GPD2: variants seen among roughly 807,000 people sequenced by gnomAD.
GPD2 encodes glycerol-3-phosphate dehydrogenase, mitochondrial.
Under a neutral mutation model 82.4 loss-of-function variants are expected in GPD2, and 54 were observed. The ratio of observed to expected loss-of-function variants is 0.66; its 90% CI spans 0.53 to 0.82. The LOEUF is 0.82. Ranked by LOEUF, GPD2 falls within the 40% of genes least tolerant of loss-of-function variation. The pLI is 0.00. For missense variants in GPD2, 748 were observed against 896.2 expected (o/e 0.83, Z 2.11); for synonymous variants, 288 against 306.1 (o/e 0.94, Z 0.62).
upstream of GPD2, among the ~76,000 whole-genome samples, chr2:156,433,813 A>T (rs1188130070): frequency 6.6e-6 from 1 of 152,182 alleles, no homozygotes; most frequent in South Asian, 2.1e-4. Context: ...ACATTTAAAC[A>T]TCAGTTATAT....
In GPD2 at chr2:156,442,731, C is replaced by T. The variant is rs987003932; in HGVS notation, c.-9+6218C>T. ...GGAGGATCCTTTGAGCCTAGGAGGC[C>T]GAGGCTGCAGTGAGCCATGATTGCA... On this transcript the variant is annotated intron_variant, in intron 1 of 16. Coordinates refer to ENST00000438166, the MANE Select transcript of GPD2 (RefSeq NM_000408.5). Among the ~76,000 whole-genome samples the T allele has an allele frequency of 5.3e-5, 8 of 151,854 alleles. No individual in the cohort carries two copies. In the East Asian group the frequency reaches 5.8e-4, roughly 11 times the overall value.
chr2:156,568,085 A>G (rs368015415), intron 9 of GPD2, among the ~76,000 whole-genome samples: 2 of 152,300 alleles, frequency 1.3e-5, no homozygotes, highest in East Asian at 3.9e-4. Flanking sequence ...AGACAGTACA[A>G]TTTAAGAGGT....
At chr2:156,400,813 G>C in the GPD2 span, among the ~76,000 whole-genome samples, 2 of 152,158 alleles carry the variant, frequency 1.3e-5, no homozygotes, top group Admixed American at 6.5e-5. Flanking sequence ...CATGTGTGAG[G>C]TCCCGGGTTC....
At chr2:156,476,022 C>G in intron 1 of GPD2, 76 bp from the exon 2 acceptor site, 2 of 800,090 alleles carry the variant, frequency 2.5e-6, no homozygotes, top group Non-Finnish European at 4.5e-6. Context: ...ATAATCTACA[C>G]AGTGTCTTAT....
rs140203221 is a variant in GPD2 at position 156,569,384 on chromosome 2, G to A, written c.1322G>A (p.Arg441Gln). 3.0e-5 allele frequency: 49 copies of A among 1,609,978 alleles called. No individual in the cohort carries two copies. The African/African-American group carries it at 4.0e-4, about 13-fold the overall frequency. The change falls in exon 11 of 17, where the codon CGG (arginine) becomes CAG (glutamine). Residue 441 changes from arginine to glutamine, a missense_variant. By Grantham distance (43) the Arg-to-Gln change is conservative. This residue lies in a region of GPD2 where 692 missense variants were observed against 809.7 expected (regional missense o/e 0.85). Coordinates refer to ENST00000438166, the MANE Select transcript of GPD2 (RefSeq NM_000408.5). ...ATAGGTGGAAAGTGGACAACTTATC[G>A]GTCTATGGCAGAAGATACCATAAAT... is the stretch of plus-strand genomic sequence containing the variant. ...TIAGGKWTTY[R>Q]SMAEDTINAA...
intron 6 of GPD2, among the ~76,000 whole-genome samples, chr2:156,520,889 C>G (rs1256962304): frequency 6.6e-6 from 1 of 152,068 alleles, no homozygotes; most frequent in East Asian, 1.9e-4. Context: ...CCCGGCTGTT[C>G]AGTTTTATTT....
At chr2:156,421,410 G>A in the GPD2 span, among the ~76,000 whole-genome samples, 40 of 152,164 alleles carry the variant, frequency 2.6e-4, 1 homozygote, top group Admixed American at 1.0e-3. Context: ...TACTTTTCCT[G>A]GGGGCAGAAA....
intron 1 of GPD2, among the ~76,000 whole-genome samples, chr2:156,448,863 C>T (rs984065086): frequency 6.6e-6 from 1 of 152,152 alleles, no homozygotes; most frequent in Non-Finnish European, 1.5e-5. Flanking sequence ...TTCAGGATGC[C>T]GGAAATCTGA....
At chr2:156,447,550 G>T (rs1213890060) in intron 1 of GPD2, among the ~76,000 whole-genome samples, 1 of 152,134 alleles carries the variant, frequency 6.6e-6, no homozygotes, top group East Asian at 1.9e-4. Flanking sequence ...GCCCAGGCTG[G>T]TCTTGAACTC....
chr2:156,470,893 T>G (rs1308972006), intron 1 of GPD2, among the ~76,000 whole-genome samples: 3 of 152,332 alleles, frequency 2.0e-5, no homozygotes, highest in Admixed American at 2.0e-4. Flanking sequence ...TAAGTACATT[T>G]TGTTGTGTAG....
the GPD2 span, among the ~76,000 whole-genome samples, chr2:156,401,539 AT>A: frequency 1.3e-5 from 2 of 152,066 alleles, no homozygotes; most frequent in East Asian, 1.9e-4. Flanking sequence ...ACCCCCTGCC[AT>A]TTTTTTCTTT....
chr2:156,509,664 T>A (rs1254136500), intron 3 of GPD2, among the ~76,000 whole-genome samples: 1 of 151,698 alleles, frequency 6.6e-6, no homozygotes, highest in African/African-American at 2.4e-5. Context: ...AAACTAGTTA[T>A]CCCTAGGAGA....
chr2:156,560,448 G>C (rs1256379869), intron 9 of GPD2, among the ~76,000 whole-genome samples: 1 of 152,138 alleles, frequency 6.6e-6, no homozygotes, highest in Admixed American at 6.5e-5. Context: ...CTTCCTCCTG[G>C]TGATCTGGGG....
At chr2:156,529,035 C>T (rs1685728379) in intron 6 of GPD2, among the ~76,000 whole-genome samples, 1 of 150,608 alleles carries the variant, frequency 6.6e-6, no homozygotes, top group African/African-American at 2.4e-5. Flanking sequence ...AATGGTTGAA[C>T]TAGTTTACAG....
chr2:156,484,390 G>A (rs1479474630), intron 2 of GPD2, among the ~76,000 whole-genome samples: 1 of 152,076 alleles, frequency 6.6e-6, no homozygotes, highest in East Asian at 1.9e-4. Context: ...GCCCGCCTCG[G>A]CCTCCCAAAG....
At chr2:156,556,012 T>C (rs923381970) in intron 8 of GPD2, among the ~76,000 whole-genome samples, 1 of 152,230 alleles carries the variant, frequency 6.6e-6, no homozygotes, top group Non-Finnish European at 1.5e-5. Flanking sequence ...TCACTCCTTG[T>C]GGTTTAAATA....
chr2:156,451,832 G>C (rs1239721044), intron 1 of GPD2, among the ~76,000 whole-genome samples: 3 of 151,486 alleles, frequency 2.0e-5, no homozygotes, highest in Admixed American at 6.6e-5. Context: ...AGGCGGAGGG[G>C]CTCCTCACTT....
intron 1 of GPD2, among the ~76,000 whole-genome samples, chr2:156,469,762 T>G (rs1683266032): frequency 1.3e-5 from 2 of 152,236 alleles, no homozygotes; most frequent in Non-Finnish European, 2.9e-5. Flanking sequence ...ATATGCTTAC[T>G]TCTATGCTGG....
intron 2 of GPD2, among the ~76,000 whole-genome samples, chr2:156,492,668 A>T (rs888802958): frequency 3.3e-5 from 5 of 152,058 alleles, no homozygotes; most frequent in Non-Finnish European, 2.9e-5. Context: ...ATATCATGTT[A>T]GTATAGGGGA....
Sources: gnomAD v4.1 joint callset for allele counts (sites outside exome capture counted in the v4.1 genomes callset) on GRCh38, gnomAD v4.1.1 for gene constraint, gnomAD v4.1.1 regional missense constraint, MANE v1.5 for transcripts, NCBI Gene and HGNC (gene_info 2026-07-23, HGNC 2026-07-21) for gene names.